Variants in MYCBP2 observed in about 807,000 individuals in gnomAD.
The protein encoded by MYCBP2 is E3 ubiquitin-protein ligase MYCBP2.
Under a neutral mutation model 525.3 loss-of-function variants are expected in MYCBP2, and 120 were observed. That is an observed-to-expected ratio of 0.23 (90% CI 0.20 to 0.27). MYCBP2 has a LOEUF of 0.27. MYCBP2 is among the 10% of genes least tolerant of loss of function. The pLI is 1.00. For missense variants in MYCBP2, 4,149 were observed against 5,657.1 expected, an observed-to-expected ratio of 0.73 and a Z score of 8.55; for synonymous variants, 1,894 against 1,955.8, an observed-to-expected ratio of 0.97 and a Z score of 0.83.
At chr13:77,064,807 T>C (rs2039941386) in intron 72 of MYCBP2, 73 bp from the exon 73 acceptor site, 5 of 1,335,796 alleles carry the variant, frequency 3.7e-6, no homozygotes, top group Non-Finnish European at 4.0e-6. Context: ...TTTTCTTAAA[T>C]AACATCTCCT....
chr13:77,157,453 T>C (rs766950614), intron 45 of MYCBP2, among the ~76,000 whole-genome samples: 2 of 152,114 alleles, frequency 1.3e-5, no homozygotes, highest in African/African-American at 2.4e-5. Context: ...TCAACTCCTA[T>C]GCTCTAGCAA....
At chr13:77,261,091 ACTTTAT>A in intron 12 of MYCBP2, 74 bp downstream of exon 12, 2 of 1,149,238 alleles carry the variant, frequency 1.7e-6, no homozygotes, top group Non-Finnish European at 2.4e-6. Context: ...AAATTCATAA[ACTTTAT>A]CTTAATAAAG....
chr13:77,325,549 T>C (rs950888309), intron 1 of MYCBP2, among the ~76,000 whole-genome samples: 4 of 152,206 alleles, frequency 2.6e-5, no homozygotes, highest in Non-Finnish European at 5.9e-5. Context: ...TCAAGGAAGC[T>C]GAAGGTGTAG....
chr13:77,243,301 T>C (rs2069206576), intron 16 of MYCBP2, 141 bp from the exon 17 acceptor site: 3 of 718,570 alleles, frequency 4.2e-6, no homozygotes, highest in Non-Finnish European at 7.0e-6. Context: ...TAATAATTCT[T>C]AGCCAAAAAG....
At chr13:77,122,992 T>C (rs1469771307) in intron 54 of MYCBP2, among the ~76,000 whole-genome samples, 2 of 152,178 alleles carry the variant, frequency 1.3e-5, no homozygotes, top group African/African-American at 4.8e-5. Flanking sequence ...CTAAGAATGG[T>C]CTAGCACCCA....
chr13:77,087,360 TA>T, intron 62 of MYCBP2, 123 bp downstream of exon 62: 1 of 863,464 alleles, frequency 1.2e-6, no homozygotes, highest in Non-Finnish European at 1.8e-6. Context: ...CCCATAGCAC[TA>T]AAATATTCTT....
chr13:77,310,545 A>G (rs2080057219), intron 1 of MYCBP2, among the ~76,000 whole-genome samples: 1 of 152,210 alleles, frequency 6.6e-6, no homozygotes, highest in Admixed American at 6.5e-5. Flanking sequence ...GTTATTTACT[A>G]TCTGGTCATA....
chr13:77,209,270 C>A (rs535295558), intron 23 of MYCBP2, among the ~76,000 whole-genome samples: 2 of 152,154 alleles, frequency 1.3e-5, no homozygotes, highest in Non-Finnish European at 2.9e-5. Context: ...TAAGACCCCA[C>A]GGAAATGGTT....
Position 77,243,856 on chromosome 13 carries a change from CTT to C in MYCBP2, c.2475_2476del (p.Gly827AsnfsTer3). On this transcript the variant is annotated frameshift_variant, in exon 16 of 83. Transcript: ENST00000544440. LOFTEE classifies it high-confidence loss of function. ...TTCTTTCACTGCATCAAGAATTCCT[CTT>C]TGTCTTGCCTCTTGACCATCTAACT... 1 of 1,613,066 alleles carries C rather than the reference CTT, an allele frequency of 6.2e-7. No homozygotes were observed. The highest frequency in any genetic ancestry group is 8.5e-7 in the Non-Finnish European group (1 of 1,179,798).
chr13:77,047,864 C>A (rs1351482905), intron 82 of MYCBP2, among the ~76,000 whole-genome samples: 2 of 152,122 alleles, frequency 1.3e-5, no homozygotes, highest in African/African-American at 4.8e-5. Context: ...AGACTAAGCA[C>A]ATTCCTTCCC....
chr13:77,057,416 T>C (rs1211852232), intron 78 of MYCBP2, among the ~76,000 whole-genome samples: 1 of 152,218 alleles, frequency 6.6e-6, no homozygotes, highest in Non-Finnish European at 1.5e-5. Flanking sequence ...AAGAAATTAC[T>C]GACTTATGAT....
chr13:77,111,541 C>G (rs893473406), intron 55 of MYCBP2, among the ~76,000 whole-genome samples: 3 of 151,608 alleles, frequency 2.0e-5, no homozygotes, highest in Non-Finnish European at 4.4e-5. Flanking sequence ...TTCAGCCTCC[C>G]AAGTAGCCAG....
In MYCBP2 at chr13:77,044,869, C is replaced by T; in HGVS notation, c.*509G>A. 2.5e-6 allele frequency: 1 copy of T among 398,670 alleles called. No homozygotes were observed. Among genetic ancestry groups the T allele is most frequent in the East Asian group, 3.6e-5 (1 of 28,038 alleles). The allele number at this position is 398,670 out of a possible 1,614,324, so 24.7% of individuals were successfully genotyped here. On this transcript the variant is annotated 3_prime_UTR_variant, in exon 83 of 83. Transcript: ENST00000544440. ...TGATATGTTTATATACAGTGTGATA[C>T]TTATTACATTTATATGCTGTCCTAA... is the stretch of plus-strand genomic sequence containing the variant.
chr13:77,091,585 T>C (rs548769769), intron 59 of MYCBP2, among the ~76,000 whole-genome samples: 2 of 152,260 alleles, frequency 1.3e-5, no homozygotes, highest in South Asian at 2.1e-4. Context: ...GCAACATCCC[T>C]GGCCTCAACT....
intron 77 of MYCBP2, 62 bp downstream of exon 77, chr13:77,059,461 T>G (rs2038864863): frequency 6.5e-6 from 8 of 1,232,028 alleles, no homozygotes; most frequent in South Asian, 1.2e-5. Context: ...CTTTTCTGTA[T>G]GAAGTAAAGG....
chr13:77,159,710 C>A (rs1266824358), intron 44 of MYCBP2, among the ~76,000 whole-genome samples: 1 of 152,110 alleles, frequency 6.6e-6, no homozygotes, highest in Non-Finnish European at 1.5e-5. Context: ...CTTTTGCCTT[C>A]TGCCATGATT....
chr13:77,144,341 A>G, intron 49 of MYCBP2, 104 bp downstream of exon 49: 2 of 738,300 alleles, frequency 2.7e-6, no homozygotes, highest in Non-Finnish European at 4.7e-6. Context: ...TATGAAACCT[A>G]TCCATATGTC....
chr13:77,170,040 G>A (rs2058985071), intron 38 of MYCBP2, among the ~76,000 whole-genome samples: 1 of 152,190 alleles, frequency 6.6e-6, no homozygotes, highest in South Asian at 2.1e-4. Flanking sequence ...TCAGAACCTA[G>A]GGTAATGGAG....
chr13:77,140,996 T>C (rs1216743662), intron 49 of MYCBP2, 53 bp from the exon 50 acceptor site: 2 of 1,260,790 alleles, frequency 1.6e-6, no homozygotes, highest in South Asian at 1.3e-5. Context: ...AGAAGGAAGA[T>C]CCTTAAACCT....
Sources: allele counts gnomAD v4.1 joint callset (sites outside exome capture counted in the v4.1 genomes callset), GRCh38; gene constraint gnomAD v4.1.1; transcripts MANE v1.5; gene names NCBI Gene and HGNC (gene_info 2026-07-23, HGNC 2026-07-21).